Variants in DPYS observed in about 807,000 individuals in gnomAD.
DPYS encodes dihydropyrimidine amidohydrolase.
Under a neutral mutation model 50.3 loss-of-function variants are expected in DPYS, and 39 were observed. The observed-to-expected ratio is 0.78, with a 90% CI of 0.60 to 1.01. The LOEUF (loss-of-function observed/expected upper bound fraction) is 1.01, where lower values mean the gene tolerates loss of function less well. Among genes scored for constraint, DPYS ranks in the 50% least tolerant of loss-of-function variants. The pLI is 0.00. For missense variants in DPYS, 659 were observed against 680.9 expected, an observed-to-expected ratio of 0.97 and a Z score of 0.36; for synonymous variants, 245 against 250.7, an observed-to-expected ratio of 0.98 and a Z score of 0.22.
chr8:104,448,699 C>T (rs1392764184), intron 2 of DPYS, among the ~76,000 whole-genome samples: 1 of 151,854 alleles, frequency 6.6e-6, no homozygotes, highest in East Asian at 1.9e-4. Context: ...ATGTTGGCAA[C>T]AATTCATGGA....
At chr8:104,432,311 A>G (rs1812981448) in intron 4 of DPYS, among the ~76,000 whole-genome samples, 1 of 152,220 alleles carries the variant, frequency 6.6e-6, no homozygotes, top group South Asian at 2.1e-4. Context: ...CCAGTAATGA[A>G]GCAGATCAAA....
rs1382499574 is a variant in DPYS at position 104,466,722 on chromosome 8, GTGT to G, written c.196_198del (p.Thr66del). 6.5e-7 allele frequency: 1 copy of G among 1,536,188 alleles called. No individual in the cohort carries two copies. Among genetic ancestry groups the G allele is most frequent in the Non-Finnish European group, 8.7e-7 (1 of 1,145,688 alleles). ...ATGAAGGGGAACTGCATGTGCGTGTGTGTGTCGATGCCTCCGGGCAGGACGAGC... is the reference window on the plus strand; with the variant it reads ...ATGAAGGGGAACTGCATGTGCGTGTGGTCGATGCCTCCGGGCAGGACGAGC... On this transcript the variant is annotated inframe_deletion, in exon 1 of 10. Transcript: ENST00000351513.
chr8:104,387,994 G>T (rs1811265599), intron 8 of DPYS, among the ~76,000 whole-genome samples: 2 of 152,136 alleles, frequency 1.3e-5, no homozygotes, highest in South Asian at 4.1e-4. Context: ...GCGTACATAT[G>T]TCTCTTGTGA....
intron 1 of DPYS, among the ~76,000 whole-genome samples, chr8:104,458,697 T>C (rs754494626): frequency 2.0e-5 from 3 of 152,160 alleles, no homozygotes; most frequent in Non-Finnish European, 2.9e-5. Context: ...AATAGCAAAC[T>C]GGGAAAGCTG....
chr8:104,417,992 G>A (rs78948376), intron 7 of DPYS, among the ~76,000 whole-genome samples: 8,901 of 152,276 alleles, frequency 0.058, 297 homozygotes, highest in African/African-American at 0.063. Context: ...TAACTTTAAC[G>A]TGGTCCATTT....
chr8:104,451,755 T>A (rs1055332508), intron 1 of DPYS, among the ~76,000 whole-genome samples: 1 of 152,244 alleles, frequency 6.6e-6, no homozygotes, highest in East Asian at 1.9e-4. Context: ...TTCATTATTA[T>A]AAAATTCCAT....
At chr8:104,447,296 G>A (rs2140718366) in intron 3 of DPYS, 28 bp downstream of exon 3, 2 of 1,613,288 alleles carry the variant, frequency 1.2e-6, no homozygotes, top group Non-Finnish European at 1.7e-6. Flanking sequence ...TGTCATTTCT[G>A]TAGAAGCTTT....
intron 4 of DPYS, among the ~76,000 whole-genome samples, chr8:104,432,007 C>A (rs1002348973): frequency 2.0e-5 from 3 of 152,182 alleles, no homozygotes; most frequent in African/African-American, 7.2e-5. Flanking sequence ...ATTTACTACA[C>A]TTAGCTGGTT....
chr8:104,387,638 C>T (rs1811253401), intron 8 of DPYS, among the ~76,000 whole-genome samples: 1 of 152,184 alleles, frequency 6.6e-6, no homozygotes, highest in Non-Finnish European at 1.5e-5. Context: ...ACTATGTGAG[C>T]TCCCTGAGCC....
intron 4 of DPYS, among the ~76,000 whole-genome samples, chr8:104,433,668 A>T (rs1005929271): frequency 6.6e-6 from 1 of 152,168 alleles, no homozygotes; most frequent in African/African-American, 2.4e-5. Context: ...TTGAGACTCA[A>T]AATCACCTTG....
chr8:104,394,200 G>C (rs1258805984), intron 7 of DPYS, among the ~76,000 whole-genome samples: 2 of 152,180 alleles, frequency 1.3e-5, no homozygotes, highest in Admixed American at 1.3e-4. Context: ...CTAAGGAGGA[G>C]CAGCTCAAAG....
At chr8:104,402,413 T>C (rs1285450394) in intron 7 of DPYS, among the ~76,000 whole-genome samples, 1 of 152,216 alleles carries the variant, frequency 6.6e-6, no homozygotes, top group Non-Finnish European at 1.5e-5. Flanking sequence ...AGGATGTATG[T>C]CTTATGAATA....
intron 4 of DPYS, among the ~76,000 whole-genome samples, chr8:104,440,574 T>C (rs891272163): frequency 2.0e-5 from 3 of 152,030 alleles, no homozygotes; most frequent in South Asian, 2.1e-4. Context: ...CTGGCCAACA[T>C]GGTGAAACCC....
At chr8:104,438,363 A>G (rs893836864) in intron 4 of DPYS, among the ~76,000 whole-genome samples, 2 of 152,168 alleles carry the variant, frequency 1.3e-5, no homozygotes, top group African/African-American at 4.8e-5. Flanking sequence ...TTTTAAAAAG[A>G]GCTAATTGGA....
chr8:104,407,349 C>A lies in DPYS; in HGVS notation c.1236-14358G>T, dbSNP rs114231291. ...TGCACATTTATATAAAATTTTAACC[C>A]CTCTTCTTCCAGAAATACTAAAGTA... On this transcript the variant is annotated intron_variant, in intron 7 of 9. Transcript: ENST00000351513. 5.2e-3 allele frequency among the ~76,000 whole-genome samples: 796 copies of A among 152,218 alleles called. 7 individuals carry two copies. Among genetic ancestry groups the A allele is most frequent in the African/African-American group, 0.016 (662 of 41,516 alleles).
intron 7 of DPYS, 110 bp from the exon 8 acceptor site, chr8:104,393,101 G>T (rs1811454456): frequency 1.1e-6 from 1 of 932,492 alleles, no homozygotes; most frequent in Non-Finnish European, 1.7e-6. Flanking sequence ...ACTCTATTAA[G>T]TCATAGCTTC....
At chr8:104,448,488 C>T (rs1490005861) in intron 2 of DPYS, among the ~76,000 whole-genome samples, 1 of 152,052 alleles carries the variant, frequency 6.6e-6, no homozygotes, top group African/African-American at 2.4e-5. Flanking sequence ...AGATTCAAGT[C>T]TCAATAAGGA....
intron 7 of DPYS, chr8:104,419,487 C>T (rs1482955951): frequency 1.3e-5 from 2 of 152,146 alleles, no homozygotes; most frequent in African/African-American, 2.4e-5. Flanking sequence ...GAAAATACAA[C>T]ATGGAAAGGG....
intron 7 of DPYS, among the ~76,000 whole-genome samples, chr8:104,401,341 A>C (rs952511868): frequency 2.0e-5 from 3 of 150,812 alleles, no homozygotes; most frequent in Non-Finnish European, 4.4e-5. Flanking sequence ...CATGGGCTAG[A>C]TAAGGATGAT....
Sources: gnomAD v4.1 joint callset for allele counts (sites outside exome capture counted in the v4.1 genomes callset) on GRCh38, gnomAD v4.1.1 for gene constraint, MANE v1.5 for transcripts, NCBI Gene and HGNC (gene_info 2026-07-23, HGNC 2026-07-21) for gene names.